SLC15A1: variants seen among roughly 807,000 people sequenced by gnomAD.
SLC15A1 encodes the protein solute carrier family 15 member 1, also known as Caco-2 oligopeptide transporter.
A neutral mutation model predicts 92.9 loss-of-function variants in SLC15A1; 83 were observed. The ratio of observed to expected loss-of-function variants is 0.89; its 90% confidence interval spans 0.75 to 1.07. The LOEUF (loss-of-function observed/expected upper bound fraction) is 1.07. Among genes scored for constraint, SLC15A1 ranks in the 50% least tolerant of loss-of-function variants. The probability of loss-of-function intolerance (pLI) is 0.00; values close to 1 mark genes in which losing one functional copy is unlikely to be tolerated. For synonymous variants in SLC15A1, 322 were observed against 318.2 expected, an observed-to-expected ratio of 1.01 and a Z score of -0.13; for missense variants, 857 against 880.1, an observed-to-expected ratio of 0.97 and a Z score of 0.33.
chr13:98,703,539 CTTTTTTTTTTTTTTTTTT>C lies in SLC15A1; in HGVS notation c.1416+732_1416+749del, dbSNP rs771426478. Among the ~76,000 whole-genome samples the C allele has an allele frequency of 4.9e-3, 422 of 85,546 alleles. 3 individuals are homozygous for C. Among genetic ancestry groups the C allele is most frequent in the South Asian group, 8.9e-3 (19 of 2,132 alleles). The allele number at this position is 85,546 out of a possible 152,430, so 56.1% of individuals were successfully genotyped here. A position where few individuals can be genotyped will look rare whatever the true frequency, so the allele number is the denominator to read the frequency against. On this transcript the variant is annotated intron_variant, in intron 17 of 22. Transcript: ENST00000376503. ...TATACCTTTGTAGCTGCTGCTGCTG[CTTTTTTTTTTTTTTTTTT>C]TTTTTTTTTTTTTTTTTGAGACAGG...
At chr13:98,736,814 A>G (rs2088398165) in intron 1 of SLC15A1, among the ~76,000 whole-genome samples, 1 of 152,216 alleles carries the variant, frequency 6.6e-6, no homozygotes, top group Non-Finnish European at 1.5e-5. Context: ...CACCAGTTAG[A>G]ATGGCGATCA....
At position 98,709,657 on chromosome 13, in the gene SLC15A1, C is replaced by T. The variant is rs746633189; in HGVS notation, c.982G>A (p.Val328Met). Reference protein sequence around the residue: ...LEIQPDQMQTVNAILIVIMVP... With the variant: ...LEIQPDQMQTMNAILIVIMVP... ...ATGATCACGATCAGGATGGCGTTCA[C>T]GGTCTGCAGAGGAAGTGGAGGAGAA... The change falls in exon 14 of 23, where the codon GTG (valine) becomes ATG (methionine). Residue 328 changes from valine to methionine, a missense_variant. Val to Met is a conservative substitution (Grantham distance 21). Transcript: ENST00000376503. 33 of 1,614,016 alleles carry T rather than the reference C, an allele frequency of 2.0e-5. No homozygotes were observed. The highest frequency in any genetic ancestry group is 6.7e-5 in the African/African-American group (5 of 74,920).
At position 98,684,545 on chromosome 13, in the gene SLC15A1, C is replaced by CAAAAAAAAAAAAAAAAAAAAAAACAA. The variant is rs4646233; in HGVS notation, c.*178_*179insTTGTTTTTTTTTTTTTTTTTTTTTTT. 5.5e-6 allele frequency: 1 copy of CAAAAAAAAAAAAAAAAAAAAAAACAA among 180,642 alleles called. No homozygotes were observed. The highest frequency in any genetic ancestry group is 9.5e-6 in the Non-Finnish European group (1 of 104,872). 11.2% of individuals were successfully genotyped at this position (180,642 alleles called of 1,614,324 possible). ...GGACAACAAGAGCAAAACTCTGTCTCAAAAAAAAAAAAAAAAAAAAAAAGA... is the reference window on the plus strand; with the variant it reads ...GGACAACAAGAGCAAAACTCTGTCTCAAAAAAAAAAAAAAAAAAAAAAACAAAAAAAAAAAAAAAAAAAAAAAAAGA... On this transcript the variant is annotated 3_prime_UTR_variant, in exon 23 of 23. Transcript: ENST00000376503.
At chr13:98,690,757 G>A (rs1439462494) in intron 18 of SLC15A1, among the ~76,000 whole-genome samples, 3 of 152,254 alleles carry the variant, frequency 2.0e-5, no homozygotes, top group Non-Finnish European at 2.9e-5. Context: ...GCATGGGTGT[G>A]GCCTTTGGCT....
chr13:98,735,479 C>T (rs985936836), intron 1 of SLC15A1, among the ~76,000 whole-genome samples: 1 of 152,208 alleles, frequency 6.6e-6, no homozygotes, highest in Non-Finnish European at 1.5e-5. Flanking sequence ...GTTGGAAGTT[C>T]TGGCCAGGGC....
At chr13:98,686,893 C>T (rs2087933186) in intron 21 of SLC15A1, among the ~76,000 whole-genome samples, 1 of 151,868 alleles carries the variant, frequency 6.6e-6, no homozygotes, top group Admixed American at 6.6e-5. Context: ...TAAAACCTAG[C>T]TCATTAGTCT....
At position 98,726,843 on chromosome 13, in the gene SLC15A1, G is replaced by T. The variant is rs369459343; in HGVS notation, c.21C>A (p.His7Gln). MGMSKS[H>Q]SFFGYPLSIF... ...GTAGAGAAGGAAAAAGGGTACTCAC[G>T]TGTGATTTGGACATTCCTAAAAGAA... The change falls in exon 2 of 23, where the codon CAC becomes CAA. Residue 7 changes from histidine to glutamine, a missense_variant and splice_region_variant. Physicochemically the swap from His to Gln is conservative, Grantham distance 24. Transcript: ENST00000376503. 4 of 1,612,926 alleles carry T rather than the reference G, an allele frequency of 2.5e-6. No homozygotes were observed. The African/African-American group carries it at 5.3e-5, about 22-fold the overall frequency.
intron 1 of SLC15A1, among the ~76,000 whole-genome samples, chr13:98,736,467 C>CA (rs1486414704): frequency 6.6e-6 from 1 of 151,988 alleles, no homozygotes; most frequent in Non-Finnish European, 1.5e-5. Context: ...AAAGCAATGA[C>CA]AAAAAAAGCC....
intron 1 of SLC15A1, among the ~76,000 whole-genome samples, chr13:98,738,194 T>G (rs188626002): frequency 1.2e-4 from 19 of 152,160 alleles, no homozygotes; most frequent in African/African-American, 4.6e-4. Context: ...AGAACTTATA[T>G]TTAAAGGGGA....
At chr13:98,741,524 C>T (rs550049506) in intron 1 of SLC15A1, among the ~76,000 whole-genome samples, 1 of 152,162 alleles carries the variant, frequency 6.6e-6, no homozygotes, top group East Asian at 1.9e-4. Context: ...TCACTTGAGG[C>T]CAGGAATTTC....
intron 17 of SLC15A1, among the ~76,000 whole-genome samples, chr13:98,703,695 G>A (rs1440169791): frequency 4.0e-5 from 6 of 151,538 alleles, no homozygotes; most frequent in Non-Finnish European, 7.4e-5. Context: ...TAGCTGGGAC[G>A]ACAGGCATGC....
chr13:98,751,010 C>G lies in SLC15A1; in HGVS notation c.4+1585G>C, dbSNP rs560416917. Among the ~76,000 whole-genome samples, 8 of 152,240 alleles carry G rather than the reference C, an allele frequency of 5.3e-5. No homozygotes were observed. In the South Asian group the frequency reaches 1.7e-3, roughly 32 times the overall value. The stretch of plus-strand genomic sequence containing the variant: ...CCTCAGGTGATCCACCTGCCCTGGC[C>G]TCCCAAAGTGCTGGGATTACAAGCG... On this transcript the variant is annotated intron_variant, in intron 1 of 22. Coordinates refer to ENST00000376503, the MANE Select transcript of SLC15A1 (RefSeq NM_005073.4).
At chr13:98,695,386 C>T (rs185659988) in intron 18 of SLC15A1, among the ~76,000 whole-genome samples, 67 of 151,946 alleles carry the variant, frequency 4.4e-4, no homozygotes, top group African/African-American at 1.6e-3. Context: ...TATGCCAGAC[C>T]CAGTTTTTTT....
At chr13:98,716,577 G>A (rs764917550) in intron 8 of SLC15A1, among the ~76,000 whole-genome samples, 34 of 151,446 alleles carry the variant, frequency 2.2e-4, no homozygotes, top group Admixed American at 8.6e-4. Flanking sequence ...AAATGAGATC[G>A]TGTCACTGCA....
At chr13:98,743,210 T>C (rs1228879924) in intron 1 of SLC15A1, among the ~76,000 whole-genome samples, 1 of 152,214 alleles carries the variant, frequency 6.6e-6, no homozygotes, top group Non-Finnish European at 1.5e-5. Flanking sequence ...TATTGGGGCT[T>C]TGGGCTTCAA....
rs754741574 is a variant in SLC15A1 at position 98,726,187 on chromosome 13, C to T, written c.181G>A (p.Ala61Thr). 6.2e-7 allele frequency: 1 copy of T among 1,614,052 alleles called. No homozygotes were observed. The highest frequency in any genetic ancestry group is 8.5e-7 in the Non-Finnish European group (1 of 1,180,014). ...AGAATTGGCGTCAGGTAGCACAGAG[C>T]CACAAACGTATGGTAGATGGCGGTG... The part of the protein sequence containing the change: ...LSTAIYHTFV[A>T]LCYLTPILGA... The change falls in exon 4 of 23, where the codon GCT becomes ACT. Residue 61 changes from alanine to threonine, a missense_variant. Transcript: ENST00000376503.
At chr13:98,685,747 G>T (rs555797076) in intron 22 of SLC15A1, among the ~76,000 whole-genome samples, 1 of 152,116 alleles carries the variant, frequency 6.6e-6, no homozygotes, top group South Asian at 2.1e-4. Flanking sequence ...CAGCACTTTG[G>T]GGGGCCAAGG....
intron 1 of SLC15A1, among the ~76,000 whole-genome samples, chr13:98,749,630 A>G (rs1226029889): frequency 1.3e-5 from 2 of 152,130 alleles, no homozygotes; most frequent in African/African-American, 4.8e-5. Context: ...TCTGCTATTC[A>G]GAGACTGAAT....
At chr13:98,730,290 G>C (rs1332446073) in intron 1 of SLC15A1, among the ~76,000 whole-genome samples, 2 of 136,880 alleles carry the variant, frequency 1.5e-5, no homozygotes, top group Admixed American at 1.5e-4. Flanking sequence ...GGGAGGGGAA[G>C]GGGAGGGGAA....
Sources: gnomAD v4.1 joint callset for allele counts (sites outside exome capture counted in the v4.1 genomes callset) on GRCh38, gnomAD v4.1.1 for gene constraint, MANE v1.5 for transcripts, NCBI Gene and HGNC (gene_info 2026-07-23, HGNC 2026-07-21) for gene names.